Variants in DMRT1 observed in about 807,000 individuals in gnomAD.
DMRT1 encodes doublesex- and mab-3-related transcription factor 1.
In DMRT1, 7 loss-of-function variants were observed where a neutral mutation model predicts 32.3. The observed-to-expected ratio is 0.22, with a 90% CI of 0.12 to 0.41. The LOEUF is 0.41. DMRT1 is among the 10% of genes least tolerant of loss of function. The pLI, the probability that DMRT1 is intolerant of heterozygous loss-of-function variation, is 1.00. For missense variants in DMRT1, 625 were observed against 500.5 expected (o/e 1.25, Z -2.37); for synonymous variants, 278 against 206.1 (o/e 1.35, Z -2.99).
intron 2 of DMRT1, among the ~76,000 whole-genome samples, chr9:880,777 T>C (rs10733547): frequency 0.78 from 116,981 of 150,244 alleles, 45,624 homozygotes; most frequent in East Asian, 0.85. Flanking sequence ...ACTTGGGTAG[T>C]TTGCCATGTG....
intron 3 of DMRT1, among the ~76,000 whole-genome samples, chr9:915,844 T>A (rs1028036243): frequency 7.2e-5 from 11 of 152,082 alleles, no homozygotes; most frequent in African/African-American, 2.2e-4. Flanking sequence ...GCCATTCTCC[T>A]GCCTCAGCCT....
intron 1 of DMRT1, among the ~76,000 whole-genome samples, chr9:846,084 T>G (rs572975125): frequency 3.3e-5 from 5 of 149,272 alleles, no homozygotes; most frequent in Non-Finnish European, 5.9e-5. Flanking sequence ...CAGGCTGGAG[T>G]GCAGTGTCGC....
At chr9:962,382 G>A (rs539133683) in intron 4 of DMRT1, among the ~76,000 whole-genome samples, 1 of 152,120 alleles carries the variant, frequency 6.6e-6, no homozygotes, top group African/African-American at 2.4e-5. Context: ...GGGAGAGGAG[G>A]TACTTCAAAG....
chr9:880,651 G>T (rs1816694429), intron 2 of DMRT1, among the ~76,000 whole-genome samples: 2 of 151,122 alleles, frequency 1.3e-5, no homozygotes, highest in East Asian at 2.0e-4. Flanking sequence ...GCTTGAACCT[G>T]GGAGGCAGAG....
At chr9:890,190 G>A (rs938280225) in intron 2 of DMRT1, among the ~76,000 whole-genome samples, 13 of 142,796 alleles carry the variant, frequency 9.1e-5, no homozygotes, top group Non-Finnish European at 1.5e-4. Flanking sequence ...ATCTCAGGCC[G>A]CCCGCCTCAG....
intron 4 of DMRT1, among the ~76,000 whole-genome samples, chr9:931,713 T>C (rs188439353): frequency 6.6e-6 from 1 of 152,298 alleles, no homozygotes; most frequent in East Asian, 1.9e-4. Context: ...CTGGTCTCTC[T>C]TCTTCTTAAA....
At chr9:890,781 C>T (rs187626090) in intron 2 of DMRT1, among the ~76,000 whole-genome samples, 64 of 152,240 alleles carry the variant, frequency 4.2e-4, no homozygotes, top group Non-Finnish European at 7.6e-4. Context: ...GTGACGCGAT[C>T]TCTGCTCACT....
At chr9:933,822 G>A (rs1818801435) in intron 4 of DMRT1, among the ~76,000 whole-genome samples, 3 of 152,152 alleles carry the variant, frequency 2.0e-5, no homozygotes, top group Non-Finnish European at 4.4e-5. Context: ...TACAGTGACA[G>A]GAAAGGACAT....
At chr9:897,604 A>AC (rs1564233609) in intron 3 of DMRT1, among the ~76,000 whole-genome samples, 1 of 151,972 alleles carries the variant, frequency 6.6e-6, no homozygotes, top group African/African-American at 2.4e-5. Context: ...AAAAAAAAAA[A>AC]CAAAATTAAG....
intron 3 of DMRT1, among the ~76,000 whole-genome samples, chr9:895,251 T>C (rs1285801543): frequency 1.3e-5 from 2 of 152,226 alleles, no homozygotes; most frequent in Admixed American, 1.3e-4. Context: ...ATTTTCATCA[T>C]GCCCGTTTGT....
At position 968,111 on chromosome 9, in the gene DMRT1, T is replaced by C. The variant is rs1167986419; in HGVS notation, c.1094T>C (p.Val365Ala). The C allele has an allele frequency of 5.0e-6, 8 of 1,614,012 alleles. No homozygotes were observed. The highest frequency in any genetic ancestry group is 6.8e-6 in the Non-Finnish European group (8 of 1,180,034). Residue 365 changes from valine (V) to alanine (A), a missense_variant, in exon 5 of 5, where the codon GTC becomes GCC. Physicochemically the swap from Val to Ala is moderately conservative, Grantham distance 64 (BLOSUM62 0). This residue lies in a region of DMRT1 where 416 missense variants were observed against 321.6 expected (regional missense o/e 1.29). Coordinates refer to ENST00000382276, the MANE Select transcript of DMRT1 (RefSeq NM_021951.3). ...GCGTCGGAGCCCAGCAGCTTCACAG[T>C]CACTCCCGTCATCGAGGAGGACGAG... ...EPASEPSSFT[V>A]TPVIEEDE is the part of the protein sequence containing the mutation.
At chr9:912,919 G>A (rs531552904) in intron 3 of DMRT1, among the ~76,000 whole-genome samples, 3 of 152,302 alleles carry the variant, frequency 2.0e-5, no homozygotes, top group Admixed American at 6.5e-5. Context: ...CAGTGAGAGT[G>A]AAGTTTGAGA....
Position 932,467 on chromosome 9 carries a change from A to G in DMRT1, c.967+15560A>G, listed in dbSNP as rs1221344695. 1.9e-4 allele frequency among the ~76,000 whole-genome samples: 29 copies of G among 152,212 alleles called. 1 individual carries two copies. The highest frequency in any genetic ancestry group is 1.9e-3 in the Admixed American group (29 of 15,292). ...TAATGTCTATATAGACCATCCATAT[A>G]TGAAAAATAAACTTTTACTTTTGGA... On this transcript the variant is annotated intron_variant, in intron 4 of 4. Coordinates refer to ENST00000382276, the MANE Select transcript of DMRT1 (RefSeq NM_021951.3).
intron 2 of DMRT1, among the ~76,000 whole-genome samples, chr9:864,331 G>A (rs141696098): frequency 3.2e-3 from 474 of 150,274 alleles, no homozygotes; most frequent in African/African-American, 0.011. Context: ...AGCCTGCCGA[G>A]TAGCTGGGAT....
intron 3 of DMRT1, among the ~76,000 whole-genome samples, chr9:904,951 A>G (rs1817715438): frequency 6.6e-6 from 1 of 151,846 alleles, no homozygotes; most frequent in African/African-American, 2.4e-5. Context: ...TCAAAAAAAA[A>G]AAAAAAAGAC....
chr9:863,093 T>C (rs2132585415), intron 2 of DMRT1, among the ~76,000 whole-genome samples: 1 of 146,824 alleles, frequency 6.8e-6, no homozygotes, highest in African/African-American at 2.5e-5. Context: ...GGCTGAAGGA[T>C]TGCTTAAGCT....
intron 1 of DMRT1, 150 bp from the exon 2 acceptor site, chr9:846,810 T>C (rs1341807055): frequency 3.2e-6 from 3 of 943,650 alleles, no homozygotes; most frequent in Non-Finnish European, 5.0e-6. Flanking sequence ...ACATCATAGT[T>C]ACCTGGGTGG....
chr9:936,786 G>GC (rs1380412484), intron 4 of DMRT1, among the ~76,000 whole-genome samples: 2 of 149,412 alleles, frequency 1.3e-5, no homozygotes, highest in Non-Finnish European at 3.0e-5. Context: ...CTTCAAGGAA[G>GC]CCCTGATAAT....
At chr9:905,513 T>TGTGTGTGG (rs1418612091) in intron 3 of DMRT1, among the ~76,000 whole-genome samples, 1 of 151,654 alleles carries the variant, frequency 6.6e-6, no homozygotes, top group African/African-American at 2.4e-5. Context: ...TGTGTGTGTG[T>TGTGTGTGG]GGCACTGCAG....
Sources: allele counts gnomAD v4.1 joint callset (sites outside exome capture counted in the v4.1 genomes callset), GRCh38; gene constraint gnomAD v4.1.1; regional missense constraint gnomAD v4.1.1; transcripts MANE v1.5; gene names NCBI Gene and HGNC (gene_info 2026-07-23, HGNC 2026-07-21).